PTDSS2: variants seen among roughly 807,000 people sequenced by gnomAD.
PTDSS2 encodes the protein PSS-2.
A neutral mutation model predicts 64.7 loss-of-function variants in PTDSS2; 41 were observed. That is an observed-to-expected ratio of 0.63 (90% CI 0.49 to 0.82). PTDSS2 has a LOEUF of 0.82. Among genes scored for constraint, PTDSS2 ranks in the 40% least tolerant of loss-of-function variants. The pLI is 0.00. For synonymous variants in PTDSS2, 297 were observed against 277.8 expected (o/e 1.07, Z -0.69); for missense variants, 485 against 650.0 (o/e 0.75, Z 2.76).
rs1044023423 is a variant in PTDSS2, at chr11:460,371, G to A, written c.284+83G>A. On this transcript the variant is annotated intron_variant, in intron 2 of 11. Coordinates refer to ENST00000308020, the MANE Select transcript of PTDSS2 (RefSeq NM_030783.3). The surrounding 1 kb of genome is among the most constrained non-coding windows in gnomAD (Gnocchi z 5.8). Reference sequence around the variant, plus strand: ...TGGCACCCTTACTGCTCGGGCTGCCGGGGGCTCAGAAGGCCTTCACCAGAG... The same window carrying A: ...TGGCACCCTTACTGCTCGGGCTGCCAGGGGCTCAGAAGGCCTTCACCAGAG... The A allele has an allele frequency of 1.6e-5, 19 of 1,196,686 alleles. No homozygotes were observed. Among genetic ancestry groups the A allele is most frequent in the African/African-American group, 6.1e-5 (4 of 66,068 alleles). 74.1% of individuals were successfully genotyped at this position (1,196,686 alleles called of 1,614,324 possible).
Position 482,223 on chromosome 11 carries a change from CTT to C in PTDSS2, c.435+3087_435+3088del, listed in dbSNP as rs558526140. On this transcript the variant is annotated intron_variant, in intron 4 of 11. Coordinates refer to ENST00000308020, the MANE Select transcript of PTDSS2 (RefSeq NM_030783.3). ...GTTTCCTAGAATAGGCAAGGATGGG[CTT>C]TTTTTTTTTTTTTTTGAGACGGAGT... Among the ~76,000 whole-genome samples, 189 of 117,312 alleles carry C rather than the reference CTT, an allele frequency of 1.6e-3. 1 individual carries two copies. Among genetic ancestry groups the C allele is most frequent in the Middle Eastern group, 5.1e-3 (1 of 196 alleles). 77.0% of individuals were successfully genotyped at this position (117,312 alleles called of 152,430 possible).
At chr11:486,315 C>T (rs926218567) in intron 4 of PTDSS2, among the ~76,000 whole-genome samples, 1 of 152,162 alleles carries the variant, frequency 6.6e-6, no homozygotes, top group Admixed American at 6.5e-5. Flanking sequence ...GGGGGCGGCG[C>T]GCCGCAGTAA....
chr11:474,029 C>G, intron 3 of PTDSS2, 52 bp downstream of exon 3: 1 of 1,440,654 alleles, frequency 6.9e-7, no homozygotes, highest in South Asian at 1.1e-5. Context: ...CTGTTCTGAG[C>G]GGCCACTCTG....
chr11:453,963 C>G (rs1194813432), intron 1 of PTDSS2, among the ~76,000 whole-genome samples: 2 of 152,250 alleles, frequency 1.3e-5, no homozygotes, highest in Non-Finnish European at 2.9e-5. Flanking sequence ...AGGACATACA[C>G]CGTCCTGCAG....
Position 487,400 on chromosome 11 carries a change from T to C in PTDSS2, c.571-20T>C. On this transcript the variant is annotated intron_variant, in intron 5 of 11. Coordinates refer to ENST00000308020, the MANE Select transcript of PTDSS2 (RefSeq NM_030783.3). ...GGTGGCTGTGCCCCAGGGTCAAGGG[T>C]CATACCCTGTCGCCCACAGGACAAG... The C allele has an allele frequency of 6.2e-7, 1 of 1,612,790 alleles. No individual in the cohort carries two copies. The highest frequency in any genetic ancestry group is 8.5e-7 in the Non-Finnish European group (1 of 1,179,094).
intron 1 of PTDSS2, among the ~76,000 whole-genome samples, chr11:457,795 C>T (rs1005032587): frequency 5.3e-5 from 8 of 152,140 alleles, no homozygotes; most frequent in Non-Finnish European, 7.3e-5. Flanking sequence ...CTCAGGCCCA[C>T]GTTTGGGAGT....
chr11:488,474 C>A, intron 7 of PTDSS2, 55 bp from the exon 8 acceptor site: 1 of 1,500,112 alleles, frequency 6.7e-7, no homozygotes, highest in Non-Finnish European at 9.3e-7. Flanking sequence ...CGGGGTCCTC[C>A]TCGGGGGGCT....
rs373421769 is a variant in PTDSS2 at position 484,571 on chromosome 11, G to A, written c.436-2368G>A. On this transcript the variant is annotated intron_variant, in intron 4 of 11. Transcript: ENST00000308020. Reference sequence around the variant, plus strand: ...GCACGGGCGCGTGTGTGCTCACTGCGCAGGCATCTGTAAATAGTGCATGGG... The same window carrying A: ...GCACGGGCGCGTGTGTGCTCACTGCACAGGCATCTGTAAATAGTGCATGGG... 3.9e-5 allele frequency among the ~76,000 whole-genome samples: 6 copies of A among 152,010 alleles called. No individual in the cohort carries two copies. In the East Asian group the frequency reaches 5.8e-4, roughly 15 times the overall value.
chr11:487,962 C>A (rs1191577264), intron 6 of PTDSS2, among the ~76,000 whole-genome samples: 1 of 152,226 alleles, frequency 6.6e-6, no homozygotes, highest in Non-Finnish European at 1.5e-5. Context: ...GCTGTCGACT[C>A]CAAGAATGCT....
intron 4 of PTDSS2, chr11:480,642 T>G (rs1848028546): frequency 6.6e-6 from 1 of 152,494 alleles, no homozygotes. Flanking sequence ...CACTGTAGCC[T>G]CCACCTCCCG....
intron 1 of PTDSS2, among the ~76,000 whole-genome samples, chr11:456,491 CTCT>C (rs1188117345): frequency 1.3e-5 from 2 of 152,146 alleles, no homozygotes; most frequent in East Asian, 1.9e-4. Context: ...ACACTCCTGA[CTCT>C]TCTTATCCTA....
At chr11:486,240 G>C (rs529296691) in intron 4 of PTDSS2, among the ~76,000 whole-genome samples, 1 of 152,312 alleles carries the variant, frequency 6.6e-6, no homozygotes, top group African/African-American at 2.4e-5. Flanking sequence ...GGAAAGAGCA[G>C]GTTCCACAAG....
intron 1 of PTDSS2, among the ~76,000 whole-genome samples, chr11:454,054 A>G (rs7940821): frequency 0.032 from 4,910 of 152,290 alleles, 279 homozygotes; most frequent in African/African-American, 0.11. Context: ...TGAGAGTCTC[A>G]TGCTATCTTG....
At chr11:478,578 C>T (rs1457125893) in intron 3 of PTDSS2, among the ~76,000 whole-genome samples, 3 of 152,146 alleles carry the variant, frequency 2.0e-5, no homozygotes, top group African/African-American at 4.8e-5. Context: ...GAAACCCTGT[C>T]CCGACTGAAA....
chr11:449,181 C>T (rs1846214334), upstream of PTDSS2, among the ~76,000 whole-genome samples: 1 of 152,058 alleles, frequency 6.6e-6, no homozygotes, highest in Non-Finnish European at 1.5e-5. Flanking sequence ...GATTCTCCCA[C>T]CTCAGCCTCC....
intron 11 of PTDSS2, 145 bp from the exon 12 acceptor site, chr11:490,275 G>T (rs1848613350): frequency 8.0e-7 from 1 of 1,249,722 alleles, no homozygotes; most frequent in Non-Finnish European, 1.1e-6. Context: ...GCTCCAGTCT[G>T]CCACGGCTGC....
In PTDSS2 at chr11:487,598, C is replaced by T. The variant is rs1243082349; in HGVS notation, c.621+128C>T. 5.7e-6 allele frequency: 5 copies of T among 880,220 alleles called. No homozygotes were observed. The African/African-American group carries it at 8.2e-5, about 14-fold the overall frequency. 54.5% of individuals were successfully genotyped at this position (880,220 alleles called of 1,614,324 possible). A position where few individuals can be genotyped will look rare whatever the true frequency, so the allele number is the denominator to read the frequency against. On this transcript the variant is annotated intron_variant, in intron 6 of 11. Transcript: ENST00000308020. ...GTGGTGGGAGGGTGTCGCACTGCAG[C>T]CACCCAGAGGTTCGAGAAGCCGTGG... is the stretch of plus-strand genomic sequence containing the variant.
Position 460,423 on chromosome 11 carries a change from C to G in PTDSS2, c.284+135C>G, listed in dbSNP as rs1846823547. On this transcript the variant is annotated intron_variant, in intron 2 of 11. Coordinates refer to ENST00000308020, the MANE Select transcript of PTDSS2 (RefSeq NM_030783.3). This position sits in a 1 kb window ranked among gnomAD's most constrained non-coding sequence, Gnocchi z 5.8. ...GCTGCGTGGGGCCGCCGGCCTCTCC[C>G]TTGAGTGTGTCTGATGTGCAGACTC... The G allele has an allele frequency of 1.5e-6, 1 of 684,748 alleles. No homozygotes were observed. The highest frequency in any genetic ancestry group is 2.6e-6 in the Non-Finnish European group (1 of 387,832). 42.4% of individuals were successfully genotyped at this position (684,748 alleles called of 1,614,324 possible).
At position 488,517 on chromosome 11, in the gene PTDSS2, C is replaced by T. The variant is rs368763892; in HGVS notation, c.736-12C>T. 14 of 1,608,108 alleles carry T rather than the reference C, an allele frequency of 8.7e-6. No individual in the cohort carries two copies. The Admixed American group carries it at 2.3e-4, about 27-fold the overall frequency. On this transcript the variant is annotated splice_polypyrimidine_tract_variant and intron_variant, in intron 7 of 11. Transcript: ENST00000308020. The stretch of plus-strand genomic sequence containing the variant: ...CCTCACCCCTGCAACGAGTGCTGGC[C>T]CCTCCCTGCAGTGGATCATGGACGT...
Sources: allele counts gnomAD v4.1 joint callset (sites outside exome capture counted in the v4.1 genomes callset), GRCh38; gene constraint gnomAD v4.1.1; non-coding constraint Gnocchi (gnomAD v3.1); transcripts MANE v1.5; gene names NCBI Gene and HGNC (gene_info 2026-07-23, HGNC 2026-07-21).